SRP54: variants seen among roughly 807,000 people sequenced by gnomAD.
SRP54 encodes the protein signal recognition particle 54, also known as signal recognition particle subunit SRP54.
SRP54 carries 10 observed loss-of-function variants against 64.8 expected under a neutral mutation model. The observed-to-expected ratio is 0.15, with a 90% CI of 0.10 to 0.26. The LOEUF (loss-of-function observed/expected upper bound fraction) is 0.26, where lower values mean the gene tolerates loss of function less well. Among genes scored for constraint, SRP54 ranks in the 10% least tolerant of loss-of-function variants. The pLI is 1.00. For synonymous variants in SRP54, 193 were observed against 185.6 expected (o/e 1.04, Z -0.32); for missense variants, 325 against 613.7 (o/e 0.53, Z 4.97).
chr14:35,026,086 G>A (rs1009880978), intron 14 of SRP54, among the ~76,000 whole-genome samples: 1 of 146,030 alleles, frequency 6.8e-6, no homozygotes, highest in Non-Finnish European at 1.5e-5. Flanking sequence ...TGTTGAAGCA[G>A]TTCTATTCAT....
intron 5 of SRP54, 51 bp from the exon 6 acceptor site, chr14:35,008,576 A>G: frequency 2.4e-6 from 3 of 1,230,276 alleles, no homozygotes; most frequent in East Asian, 2.8e-5. Context: ...AATTATATGT[A>G]TAGTTTGTTA....
chr14:35,026,898 G>A (rs1055456309), intron 14 of SRP54, among the ~76,000 whole-genome samples: 3 of 151,982 alleles, frequency 2.0e-5, no homozygotes, highest in Non-Finnish European at 4.4e-5. Flanking sequence ...GGCTGAGTTC[G>A]TGCCATTGCA....
chr14:35,024,521 A>G (rs188609957), intron 14 of SRP54, among the ~76,000 whole-genome samples: 232 of 152,158 alleles, frequency 1.5e-3, no homozygotes, highest in African/African-American at 5.3e-3. Flanking sequence ...ATGTCTTCAA[A>G]TATTTTCCCC....
intron 13 of SRP54, among the ~76,000 whole-genome samples, chr14:35,022,391 C>G (rs1163975412): frequency 6.6e-6 from 1 of 151,590 alleles, no homozygotes; most frequent in Non-Finnish European, 1.5e-5. Flanking sequence ...GAGTCTCGCT[C>G]TGTCGCCCAG....
chr14:35,013,979 C>T (rs1332108617), intron 10 of SRP54, 77 bp downstream of exon 10: 3 of 1,028,130 alleles, frequency 2.9e-6, no homozygotes, highest in Non-Finnish European at 4.4e-6. Flanking sequence ...GATTTTAATT[C>T]TGTCCTCACT....
chr14:34,992,619 T>A (rs1222521333), intron 1 of SRP54, among the ~76,000 whole-genome samples: 1 of 152,020 alleles, frequency 6.6e-6, no homozygotes, highest in African/African-American at 2.4e-5. Context: ...ACGAAAGTAG[T>A]AGACACAGAC....
chr14:35,015,777 A>G (rs960889023), intron 11 of SRP54, among the ~76,000 whole-genome samples: 6 of 152,178 alleles, frequency 3.9e-5, no homozygotes, highest in Non-Finnish European at 7.3e-5. Context: ...CTTCTCACTC[A>G]TCTTACCAGA....
chr14:35,004,544 A>G (rs750781895), intron 4 of SRP54: 2 of 152,248 alleles, frequency 1.3e-5, no homozygotes, highest in Admixed American at 6.5e-5. Flanking sequence ...ATGGTTTCAG[A>G]TTCTACATTG....
chr14:34,983,813 T>C (rs551517035), intron 1 of SRP54, among the ~76,000 whole-genome samples: 1 of 152,316 alleles, frequency 6.6e-6, no homozygotes, highest in South Asian at 2.1e-4. Flanking sequence ...TGAATAACAC[T>C]AACTCTGCCA....
intron 13 of SRP54, 125 bp downstream of exon 13, chr14:35,019,199 T>C (rs971181042): frequency 1.4e-5 from 9 of 648,914 alleles, no homozygotes; most frequent in Admixed American, 2.7e-5. Context: ...TTAGGTAGAT[T>C]TGTAATAGCT....
At position 35,014,290 on chromosome 14, in the gene SRP54, T is replaced by TTTTTTTTTTTTTTTTTTTTTG. The variant is rs376712278; in HGVS notation, c.886+392_886+393insTTTTTTTTTTTTTTTTGTTTT. Among the ~76,000 whole-genome samples, 131 of 127,276 alleles carry TTTTTTTTTTTTTTTTTTTTTG rather than the reference T, an allele frequency of 1.0e-3. 2 individuals carry two copies. The highest frequency in any genetic ancestry group is 6.8e-3 in the East Asian group (25 of 3,666). 83.5% of individuals were successfully genotyped at this position (127,276 alleles called of 152,430 possible). A position where few individuals can be genotyped will look rare whatever the true frequency, so the allele number is the denominator to read the frequency against. On this transcript the variant is annotated intron_variant, in intron 10 of 15. Coordinates refer to ENST00000216774, the MANE Select transcript of SRP54 (RefSeq NM_003136.4). ...TGCCACTTAACTTTTTTTTTTTTTT[T>TTTTTTTTTTTTTTTTTTTTTG]TTTTGAGACGGAGTTTCGCTCTTGT...
At chr14:35,022,031 A>G (rs1366181907) in intron 13 of SRP54, among the ~76,000 whole-genome samples, 1 of 152,206 alleles carries the variant, frequency 6.6e-6, no homozygotes, top group Non-Finnish European at 1.5e-5. Context: ...AGTAGTAGTA[A>G]TTACTTGATT....
rs745474625 is a variant in SRP54, at chr14:35,007,420, T to A, written c.360+33T>A. On this transcript the variant is annotated intron_variant, in intron 5 of 15. Coordinates refer to ENST00000216774, the MANE Select transcript of SRP54 (RefSeq NM_003136.4). ...GAACTTAATTTAAAAAGAAGTCATA[T>A]GGAAGATAGGTTTGTATAAATCAAG... 7 of 1,435,502 alleles carry A rather than the reference T, an allele frequency of 4.9e-6. No homozygotes were observed. The South Asian group carries it at 7.9e-5, about 16-fold the overall frequency. The allele number at this position is 1,435,502 out of a possible 1,614,324, so 88.9% of individuals were successfully genotyped here.
At chr14:35,016,151 C>G (rs1334094068) in intron 11 of SRP54, among the ~76,000 whole-genome samples, 1 of 152,140 alleles carries the variant, frequency 6.6e-6, no homozygotes, top group Non-Finnish European at 1.5e-5. Flanking sequence ...TAGTTCATCT[C>G]TTTCCTAGAT....
intron 1 of SRP54, among the ~76,000 whole-genome samples, chr14:34,987,261 G>A (rs199952850): frequency 3.5e-3 from 297 of 85,544 alleles, no homozygotes; most frequent in African/African-American, 0.011. Flanking sequence ...ATATATATAT[G>A]TGTGTGTGTG....
intron 1 of SRP54, among the ~76,000 whole-genome samples, 184 bp from the exon 2 acceptor site, chr14:34,996,493 G>A (rs2044075167): frequency 6.6e-6 from 1 of 152,076 alleles, no homozygotes; most frequent in African/African-American, 2.4e-5. Context: ...CAAATATAAG[G>A]CATCATAACC....
At chr14:35,020,794 TATC>T (rs1317790041) in intron 13 of SRP54, among the ~76,000 whole-genome samples, 1 of 152,240 alleles carries the variant, frequency 6.6e-6, no homozygotes, top group Non-Finnish European at 1.5e-5. Context: ...TAATTCATTT[TATC>T]ATCATAACAA....
intron 1 of SRP54, among the ~76,000 whole-genome samples, chr14:34,984,131 C>T (rs1347486063): frequency 3.3e-5 from 5 of 152,094 alleles, no homozygotes; most frequent in South Asian, 2.1e-4. Flanking sequence ...TTTGATATGG[C>T]CAACTGGTAT....
rs1443152835 is a variant in SRP54 at position 35,023,031 on chromosome 14, G to A, written c.1278G>A (p.Lys426=). The stretch of plus-strand genomic sequence containing the variant: ...AAGAACTTTTGACACAATATACCAA[G>A]TTTGCACAGATGGTAAAAAAGATGG... The part of the protein sequence containing the change: ...DVQELLTQYT[K]FAQMVKKMGG... Residue 426 remains lysine, a synonymous_variant, in exon 14 of 16, where the codon AAG becomes AAA. Coordinates refer to ENST00000216774, the MANE Select transcript of SRP54 (RefSeq NM_003136.4). The A allele has an allele frequency of 6.2e-7, 1 of 1,613,584 alleles. No homozygotes were observed. The highest frequency in any genetic ancestry group is 8.5e-7 in the Non-Finnish European group (1 of 1,179,838).
Sources: gnomAD v4.1 joint callset for allele counts (sites outside exome capture counted in the v4.1 genomes callset) on GRCh38, gnomAD v4.1.1 for gene constraint, MANE v1.5 for transcripts, NCBI Gene and HGNC (gene_info 2026-07-23, HGNC 2026-07-21) for gene names.